Variants in ANXA6 observed in about 807,000 individuals in gnomAD.
ANXA6 encodes the protein annexin A6, also known as 67 kDa calelectrin.
Under a neutral mutation model 95.4 loss-of-function variants are expected in ANXA6, and 71 were observed. The ratio of observed to expected loss-of-function variants is 0.74; its 90% confidence interval spans 0.61 to 0.91. The LOEUF (loss-of-function observed/expected upper bound fraction) is 0.91. Among genes scored for constraint, ANXA6 ranks in the 40% least tolerant of loss-of-function variants. The probability of loss-of-function intolerance (pLI) is 0.00; values close to 1 mark genes in which losing one functional copy is unlikely to be tolerated. For synonymous variants in ANXA6, 289 were observed against 315.9 expected (o/e 0.91, Z 0.90); for missense variants, 830 against 876.4 (o/e 0.95, Z 0.67).
chr5:151,117,165 C>T lies in ANXA6; in HGVS notation c.1534G>A (p.Gly512Arg), dbSNP rs369377233. 2.5e-6 allele frequency: 4 copies of T among 1,592,976 alleles called. No homozygotes were observed. The African/African-American group carries it at 5.4e-5, about 22-fold the overall frequency. The change falls in exon 20 of 26, where the codon GGA becomes AGA. Residue 512 changes from glycine to arginine, a missense_variant. Gly to Arg is a moderately radical substitution (Grantham distance 125). Transcript: ENST00000354546. Reference sequence around the variant, plus strand: ...CGTGCCTGGTCCAGGTTTTCTCCTCCCTCCTCACGATGCCCCTGCAGCAGG... The same window carrying T: ...CGTGCCTGGTCCAGGTTTTCTCCTCTCTCCTCACGATGCCCCTGCAGCAGG... Reference protein sequence around the residue: ...ISLATGHREEGGENLDQARED... With the variant: ...ISLATGHREERGENLDQARED...
At chr5:151,112,808 C>A (rs1181510277) in intron 20 of ANXA6, among the ~76,000 whole-genome samples, 1 of 152,118 alleles carries the variant, frequency 6.6e-6, no homozygotes, top group Non-Finnish European at 1.5e-5. Context: ...TGGGTCTCAA[C>A]CCTATCTCAA....
At position 151,105,290 on chromosome 5, in the gene ANXA6, C is replaced by G. The variant is rs773606419; in HGVS notation, c.1794G>C (p.Lys598Asn). 2 of 1,613,930 alleles carry G rather than the reference C, an allele frequency of 1.2e-6. No individual in the cohort carries two copies. Among genetic ancestry groups the G allele is most frequent in the Non-Finnish European group, 1.7e-6 (2 of 1,179,834 alleles). Residue 598 changes from lysine to asparagine, a missense_variant, in exon 24 of 26, where the codon AAG becomes AAC. Lys to Asn is a moderately conservative substitution (Grantham distance 94). Transcript: ENST00000354546. ...DAFVAIVQSV[K>N]NKPLFFADKL... ...TGTCGGCAAAGAAGAGAGGCTTGTT[C>G]TTGACACTTTGAACTGGTAGGAAGA...
At chr5:151,122,483 G>A (rs550547217) in intron 16 of ANXA6, among the ~76,000 whole-genome samples, 5 of 152,162 alleles carry the variant, frequency 3.3e-5, no homozygotes, top group South Asian at 2.1e-4. Flanking sequence ...AGACAGGAAC[G>A]GGAAGGCAGC....
At chr5:151,136,370 C>A in intron 6 of ANXA6, 35 bp from the exon 7 acceptor site, 1 of 1,601,844 alleles carries the variant, frequency 6.2e-7, no homozygotes, top group South Asian at 1.1e-5. Context: ...GTCTCATCCC[C>A]AGAGACCTCA....
At chr5:151,144,252 C>T (rs1384029961) in intron 2 of ANXA6, among the ~76,000 whole-genome samples, 5 of 152,178 alleles carry the variant, frequency 3.3e-5, no homozygotes, top group Non-Finnish European at 7.4e-5. Context: ...TAGTATCTGG[C>T]ATTCTTTACT....
intron 1 of ANXA6, among the ~76,000 whole-genome samples, chr5:151,157,352 C>A (rs1340085372): frequency 1.3e-5 from 2 of 152,170 alleles, no homozygotes; most frequent in South Asian, 2.1e-4. Context: ...CTTGAGCCCC[C>A]CCAAATTAAG....
rs1036386368 is a variant in ANXA6, at chr5:151,134,624, A to G, written c.490-141T>C. ...AGAAGCAGTGACTGCTATTGCATGAAGACCACAGTATCTATTTTGTGAGCC... is the reference window on the plus strand; with the variant it reads ...AGAAGCAGTGACTGCTATTGCATGAGGACCACAGTATCTATTTTGTGAGCC... On this transcript the variant is annotated intron_variant, in intron 7 of 25. Transcript: ENST00000354546. 4 of 809,340 alleles carry G rather than the reference A, an allele frequency of 4.9e-6. No homozygotes were observed. In the African/African-American group the frequency reaches 5.0e-5, roughly 10 times the overall value. The allele number at this position is 809,340 out of a possible 1,614,324, so 50.1% of individuals were successfully genotyped here. A position where few individuals can be genotyped will look rare whatever the true frequency, so the allele number is the denominator to read the frequency against.
intron 20 of ANXA6, among the ~76,000 whole-genome samples, chr5:151,114,745 G>A (rs976158488): frequency 6.6e-6 from 1 of 150,746 alleles, no homozygotes; most frequent in Admixed American, 6.6e-5. Flanking sequence ...ACAACAGAGT[G>A]AAAGGGGAAG....
chr5:151,120,765 C>G (rs1308307689), intron 17 of ANXA6, among the ~76,000 whole-genome samples: 2 of 152,148 alleles, frequency 1.3e-5, no homozygotes, highest in Non-Finnish European at 2.9e-5. Context: ...TCTCTGTCCT[C>G]AAAGAGGTTA....
At chr5:151,122,795 C>T in intron 16 of ANXA6, 122 bp downstream of exon 16, 1 of 802,278 alleles carries the variant, frequency 1.2e-6, no homozygotes. Flanking sequence ...CATATGACCA[C>T]ACAGGGTCCC....
intron 14 of ANXA6, among the ~76,000 whole-genome samples, chr5:151,125,131 A>T (rs1366617671): frequency 6.6e-6 from 1 of 152,142 alleles, no homozygotes; most frequent in Non-Finnish European, 1.5e-5. Context: ...CCAAGGCAGG[A>T]GGATCGCTTG....
chr5:151,122,973 G>T lies in ANXA6; in HGVS notation c.1177C>A (p.Arg393Ser), dbSNP rs756721960. Residue 393 changes from arginine (R) to serine (S), a missense_variant, in exon 16 of 26, where the codon CGC becomes AGC. Coordinates refer to ENST00000354546, the MANE Select transcript of ANXA6 (RefSeq NM_001155.5). Reference sequence around the variant, plus strand: ...ATCTGCTGCCGCTGGACATTGCTGCGGTGCGTGATGATATCGATGATTGTG... The same window carrying T: ...ATCTGCTGCCGCTGGACATTGCTGCTGTGCGTGATGATATCGATGATTGTG... ...EDTIIDIITH[R>S]SNVQRQQIRQ... The T allele has an allele frequency of 6.2e-7, 1 of 1,613,882 alleles. No homozygotes were observed. The highest frequency in any genetic ancestry group is 1.1e-5 in the South Asian group (1 of 91,082).
chr5:151,132,438 TC>T, intron 10 of ANXA6, 37 bp downstream of exon 10: 2 of 1,492,886 alleles, frequency 1.3e-6, no homozygotes, highest in Non-Finnish European at 1.8e-6. Flanking sequence ...TGTTCCAGAA[TC>T]CCCTAAAGCC....
chr5:151,152,195 C>T (rs1049665911), intron 1 of ANXA6, among the ~76,000 whole-genome samples: 1 of 152,210 alleles, frequency 6.6e-6, no homozygotes, highest in Non-Finnish European at 1.5e-5. Flanking sequence ...TCTCAATTTC[C>T]ACATCCGCAA....
Position 151,131,297 on chromosome 5 carries a change from G to A in ANXA6, c.737-8C>T, listed in dbSNP as rs750562090. Reference sequence around the variant, plus strand: ...TGCTCCGGATACACTTCACTGTGAAGAGGGAGGAAGAGGTAGAGTTATTCT... The same window carrying A: ...TGCTCCGGATACACTTCACTGTGAAAAGGGAGGAAGAGGTAGAGTTATTCT... On this transcript the variant is annotated splice_polypyrimidine_tract_variant and splice_region_variant and intron_variant, in intron 10 of 25. Transcript: ENST00000354546. 1.2e-6 allele frequency: 2 copies of A among 1,613,808 alleles called. No homozygotes were observed. Among genetic ancestry groups the A allele is most frequent in the African/African-American group, 2.7e-5 (2 of 74,930 alleles).
At chr5:151,118,276 T>TTC (rs1765061178) in intron 18 of ANXA6, among the ~76,000 whole-genome samples, 1 of 151,416 alleles carries the variant, frequency 6.6e-6, no homozygotes, top group African/African-American at 2.4e-5. Flanking sequence ...TTTTTTTTTT[T>TTC]CAAGACAGGG....
chr5:151,136,403 G>C, intron 6 of ANXA6, 68 bp from the exon 7 acceptor site: 1 of 1,444,336 alleles, frequency 6.9e-7, no homozygotes, highest in Non-Finnish European at 9.6e-7. Flanking sequence ...AAAGGGCCCT[G>C]CTGCCCCCAA....
At chr5:151,128,094 A>C (rs1359078664) in intron 13 of ANXA6, 87 bp downstream of exon 13, 7 of 1,176,506 alleles carry the variant, frequency 5.9e-6, no homozygotes, top group Non-Finnish European at 8.7e-6. Flanking sequence ...AGCTCATCCA[A>C]TCCACCCATC....
intron 24 of ANXA6, 47 bp downstream of exon 24, chr5:151,105,198 T>C (rs762027990): frequency 1.3e-6 from 2 of 1,543,848 alleles, no homozygotes; most frequent in East Asian, 4.5e-5. Flanking sequence ...TGTGTGTGTA[T>C]GTAAGTCAGT....
Sources: allele counts gnomAD v4.1 joint callset (sites outside exome capture counted in the v4.1 genomes callset), GRCh38; gene constraint gnomAD v4.1.1; transcripts MANE v1.5; gene names NCBI Gene and HGNC (gene_info 2026-07-23, HGNC 2026-07-21).